The following DLG2 variants were observed in gnomAD, a reference collection of about 807,000 sequenced individuals.
DLG2 encodes disks large homolog 2.
Under a neutral mutation model 132.5 loss-of-function variants are expected in DLG2, and 45 were observed. That is an observed-to-expected ratio of 0.34 (90% confidence interval 0.27 to 0.44). DLG2 has a LOEUF of 0.44. Among genes scored for constraint, DLG2 ranks in the 20% least tolerant of loss-of-function variants. The pLI, the probability that DLG2 is intolerant of heterozygous loss-of-function variation, is 1.00. For missense variants in DLG2, 1,045 were observed against 1,196.9 expected (o/e 0.87, Z 1.87); for synonymous variants, 424 against 419.6 (o/e 1.01, Z -0.13).
In DLG2 at chr11:85,189,671, A is replaced by G. The variant is rs895049522; in HGVS notation, c.187-35020T>C. Among the ~76,000 whole-genome samples, 44 of 152,248 alleles carry G rather than the reference A, an allele frequency of 2.9e-4. 1 individual carries two copies. The highest frequency in any genetic ancestry group is 2.8e-3 in the Admixed American group (43 of 15,284). On this transcript the variant is annotated intron_variant, in intron 4 of 27. Transcript: ENST00000376104. ...AAAATTGTCTTATATCTTGATTACA[A>G]TGATGATTACATATGTTAAAATTCA...
intron 6 of DLG2, among the ~76,000 whole-genome samples, chr11:84,650,867 G>GTA (rs1158584073): frequency 2.8e-4 from 27 of 95,664 alleles, no homozygotes; most frequent in African/African-American, 1.1e-3. Flanking sequence ...GTGTGTGTGT[G>GTA]TGTGTGTATA....
intron 7 of DLG2, among the ~76,000 whole-genome samples, chr11:84,294,082 C>T (rs1156419375): frequency 6.6e-6 from 1 of 152,148 alleles, no homozygotes; most frequent in Non-Finnish European, 1.5e-5. Flanking sequence ...CACCTTGTAA[C>T]ACTGTAACAC....
chr11:85,375,491 C>A, intron 3 of DLG2, among the ~76,000 whole-genome samples: 1 of 152,104 alleles, frequency 6.6e-6, no homozygotes, highest in East Asian at 1.9e-4. Context: ...CCAGCCTGGG[C>A]AACATAGCCA....
chr11:85,288,748 C>T (rs2078712172), intron 3 of DLG2, among the ~76,000 whole-genome samples: 1 of 152,072 alleles, frequency 6.6e-6, no homozygotes, highest in Admixed American at 6.6e-5. Context: ...AGAATAACGA[C>T]TTGTAATGAA....
At chr11:84,939,719 C>G (rs1456024285) in intron 6 of DLG2, among the ~76,000 whole-genome samples, 2 of 152,158 alleles carry the variant, frequency 1.3e-5, no homozygotes, top group Non-Finnish European at 2.9e-5. Context: ...ATAATGTTCT[C>G]CAGTTCTATC....
chr11:84,557,810 T>C (rs1418938017), intron 6 of DLG2, among the ~76,000 whole-genome samples: 2 of 152,086 alleles, frequency 1.3e-5, no homozygotes, highest in East Asian at 1.9e-4. Context: ...CCTAGGAGAG[T>C]AGAGGAGTTC....
intron 6 of DLG2, among the ~76,000 whole-genome samples, chr11:85,075,954 G>A (rs1247439783): frequency 6.6e-6 from 1 of 151,862 alleles, no homozygotes; most frequent in Non-Finnish European, 1.5e-5. Context: ...GGGGATACAG[G>A]AACAGGAACA....
At chr11:84,485,805 G>C (rs931894662) in intron 7 of DLG2, among the ~76,000 whole-genome samples, 4 of 152,104 alleles carry the variant, frequency 2.6e-5, no homozygotes, top group Admixed American at 2.6e-4. Flanking sequence ...AATCTGGTTA[G>C]GTTAGGTTTG....
chr11:84,778,104 T>C (rs1487032683), intron 6 of DLG2, among the ~76,000 whole-genome samples: 1 of 152,188 alleles, frequency 6.6e-6, no homozygotes, highest in Non-Finnish European at 1.5e-5. Flanking sequence ...GTTTACGTCT[T>C]TAATCCATCT....
At chr11:84,933,545 G>A (rs1313446235) in intron 6 of DLG2, among the ~76,000 whole-genome samples, 1 of 152,042 alleles carries the variant, frequency 6.6e-6, no homozygotes, top group Non-Finnish European at 1.5e-5. Flanking sequence ...TTTGAGTAGT[G>A]GTTTGCAGTT....
chr11:84,022,056 G>A (rs181835849), intron 11 of DLG2, among the ~76,000 whole-genome samples: 11 of 152,124 alleles, frequency 7.2e-5, no homozygotes, highest in African/African-American at 2.2e-4. Flanking sequence ...CAAAACAACC[G>A]CTTCTTACTG....
chr11:85,157,297 G>A (rs1320045831), intron 4 of DLG2, among the ~76,000 whole-genome samples: 1 of 151,918 alleles, frequency 6.6e-6, no homozygotes, highest in East Asian at 1.9e-4. Flanking sequence ...GATTCTAGAG[G>A]GACAGAATAT....
At chr11:83,722,322 A>G (rs2088814515) in intron 18 of DLG2, among the ~76,000 whole-genome samples, 1 of 152,060 alleles carries the variant, frequency 6.6e-6, no homozygotes, top group African/African-American at 2.4e-5. Context: ...CATGGTCCCT[A>G]CCCTCATGGT....
intron 11 of DLG2, among the ~76,000 whole-genome samples, chr11:84,034,182 C>G (rs1248028490): frequency 6.6e-6 from 1 of 152,126 alleles, no homozygotes; most frequent in Non-Finnish European, 1.5e-5. Context: ...AGCCACCACC[C>G]TGATCAGTCA....
intron 18 of DLG2, among the ~76,000 whole-genome samples, chr11:83,741,871 A>C (rs12802929): frequency 0.28 from 42,971 of 151,414 alleles, 8,574 homozygotes; most frequent in African/African-American, 0.57. Flanking sequence ...AAAAATTAGC[A>C]AGGCGTGGTG....
chr11:84,135,900 GT>G (rs2094583436), intron 9 of DLG2, among the ~76,000 whole-genome samples: 2 of 152,080 alleles, frequency 1.3e-5, no homozygotes, highest in African/African-American at 2.4e-5. Context: ...GACTAGTTAG[GT>G]GGCTGCTCTA....
chr11:85,284,135 C>T (rs1010400336), intron 4 of DLG2, among the ~76,000 whole-genome samples: 6 of 151,812 alleles, frequency 4.0e-5, no homozygotes, highest in Non-Finnish European at 8.8e-5. Context: ...ACTTCATGTA[C>T]ATATATTTGT....
chr11:85,452,429 C>T (rs1249616309), intron 3 of DLG2: 4 of 157,122 alleles, frequency 2.5e-5, no homozygotes, highest in Non-Finnish European at 4.3e-5. Flanking sequence ...CCACTATAGC[C>T]ACCTCAGTTA....
intron 18 of DLG2, among the ~76,000 whole-genome samples, chr11:83,745,232 T>G (rs2092819363): frequency 6.6e-6 from 1 of 152,140 alleles, no homozygotes; most frequent in African/African-American, 2.4e-5. Flanking sequence ...GAAAACAAAT[T>G]TTGTTGGTTG....
Sources: allele counts gnomAD v4.1 joint callset (sites outside exome capture counted in the v4.1 genomes callset), GRCh38; gene constraint gnomAD v4.1.1; transcripts MANE v1.5; gene names NCBI Gene and HGNC (gene_info 2026-07-23, HGNC 2026-07-21).